The following STRN4 variants were observed in gnomAD, a reference collection of about 807,000 sequenced individuals.
The protein encoded by STRN4 is striatin-4.
Under a neutral mutation model 77.9 loss-of-function variants are expected in STRN4, and 27 were observed. The observed-to-expected ratio is 0.35, with a 90% confidence interval of 0.26 to 0.48. STRN4 has a LOEUF of 0.48. Among genes scored for constraint, STRN4 ranks in the 20% least tolerant of loss-of-function variants. STRN4 has a pLI of 0.99. For missense variants in STRN4, 798 were observed against 1,049.7 expected, an observed-to-expected ratio of 0.76 and a Z score of 3.31; for synonymous variants, 466 against 443.1, an observed-to-expected ratio of 1.05 and a Z score of -0.65.
At chr19:46,727,754 A>G in intron 8 of STRN4, 140 bp downstream of exon 8, 2 of 827,880 alleles carry the variant, frequency 2.4e-6, no homozygotes, top group Non-Finnish European at 3.7e-6. Flanking sequence ...ACAGACAGAC[A>G]GACGAACTTT....
At chr19:46,721,594 G>A (rs1380488542) in intron 16 of STRN4, 2 of 223,860 alleles carry the variant, frequency 8.9e-6, no homozygotes, top group South Asian at 5.7e-5. Context: ...GCACAGCCAC[G>A]TTGCTGGCCT....
At position 46,720,692 on chromosome 19, in the gene STRN4, G is replaced by A. The variant is rs313841; in HGVS notation, c.2172C>T (p.His724=). 0.12 allele frequency: 191,279 copies of A among 1,610,556 alleles called. 12,007 individuals carry two copies. The highest frequency in any genetic ancestry group is 0.13 in the Non-Finnish European group (151,101 of 1,178,052). The change falls in exon 17 of 18, where the codon CAC becomes CAT. Residue 724 remains histidine, a synonymous_variant. Coordinates refer to ENST00000263280, the MANE Select transcript of STRN4 (RefSeq NM_013403.3). ...AGGCAACAGCGTGGATGGCCTCCTCGTGCTTCTTGCGGTGGGCCGTGATCT... is the reference window on the plus strand; with the variant it reads ...AGGCAACAGCGTGGATGGCCTCCTCATGCTTCTTGCGGTGGGCCGTGATCT... ...VQEITAHRKK[H]EEAIHAVACH...
chr19:46,726,428 T>C (rs1163926153), intron 9 of STRN4, among the ~76,000 whole-genome samples: 3 of 151,108 alleles, frequency 2.0e-5, no homozygotes, highest in Non-Finnish European at 4.4e-5. Context: ...AACGATCATT[T>C]GACCCCAGGA....
In STRN4 at chr19:46,722,964, G is replaced by A. The variant is rs767635846; in HGVS notation, c.1766-14C>T. 2 of 1,613,444 alleles carry A rather than the reference G, an allele frequency of 1.2e-6. No individual in the cohort carries two copies. Among genetic ancestry groups the A allele is most frequent in the Admixed American group, 3.3e-5 (2 of 60,030 alleles). On this transcript the variant is annotated splice_polypyrimidine_tract_variant and intron_variant, in intron 13 of 17. Coordinates refer to ENST00000263280, the MANE Select transcript of STRN4 (RefSeq NM_013403.3). ...GGACCCCGTGCTCTGAGGGCACAGG[G>A]AAGAGAAGGCTGCTGAATGGACCCT...
intron 16 of STRN4, 58 bp from the exon 17 acceptor site, chr19:46,720,829 C>A: frequency 2.0e-6 from 3 of 1,479,970 alleles, no homozygotes; most frequent in Non-Finnish European, 2.7e-6. Context: ...CAGACGCAGC[C>A]CTGGAACCCC....
In STRN4 at chr19:46,746,240, C is replaced by T. The variant is rs747010209; in HGVS notation, c.191G>A (p.Ser64Asn). The change falls in exon 1 of 18, where the codon AGC becomes AAC. Residue 64 changes from serine to asparagine, a missense_variant. This residue lies in a region of STRN4 where 511 missense variants were observed against 575.9 expected (regional missense o/e 0.89). Coordinates refer to ENST00000263280, the MANE Select transcript of STRN4 (RefSeq NM_013403.3). ...PGPTAGPEPL[S>N]LPGILHFIQH... ...GATAAAGTGCAGGATCCCCGGCAGG[C>T]TCAGGGGCTCCGGGCCCGCCGTGGG... 1.3e-6 allele frequency: 2 copies of T among 1,511,646 alleles called. No homozygotes were observed. The highest frequency in any genetic ancestry group is 2.8e-5 in the East Asian group (1 of 35,474). 93.6% of individuals were successfully genotyped at this position (1,511,646 alleles called of 1,614,324 possible). A position where few individuals can be genotyped will look rare whatever the true frequency, so the allele number is the denominator to read the frequency against.
At chr19:46,739,750 G>A (rs946665499) in intron 1 of STRN4, among the ~76,000 whole-genome samples, 3 of 152,218 alleles carry the variant, frequency 2.0e-5, no homozygotes, top group Non-Finnish European at 2.9e-5. Flanking sequence ...ATGATCTTAC[G>A]CAGGTCATCA....
At position 46,738,034 on chromosome 19, in the gene STRN4, C is replaced by A; in HGVS notation, c.460+130G>T. Reference sequence around the variant, plus strand: ...GCTCTGAGAGTGAGATTCCGCCCCTCCCCAGCCCCGGGGCCGATTCTGCCT... The same window carrying A: ...GCTCTGAGAGTGAGATTCCGCCCCTACCCAGCCCCGGGGCCGATTCTGCCT... On this transcript the variant is annotated intron_variant, in intron 3 of 17. Transcript: ENST00000263280. The surrounding 1 kb of genome is among the most constrained non-coding windows in gnomAD (Gnocchi z 4.5). 1 of 947,222 alleles carries A rather than the reference C, an allele frequency of 1.1e-6. No individual in the cohort carries two copies. 58.7% of individuals were successfully genotyped at this position (947,222 alleles called of 1,614,324 possible).
Position 46,738,483 on chromosome 19 carries a change from T to A in STRN4, c.387-246A>T, listed in dbSNP as rs1290809062. ...CAGCCCTTGAAACCCCAGTTCCTTA[T>A]CTGAAACAGGGCTAACAATACCCGT... On this transcript the variant is annotated intron_variant, in intron 2 of 17. Coordinates refer to ENST00000263280, the MANE Select transcript of STRN4 (RefSeq NM_013403.3). The surrounding 1 kb of genome is among the most constrained non-coding windows in gnomAD (Gnocchi z 4.5). Among the ~76,000 whole-genome samples, 6 of 152,130 alleles carry A rather than the reference T, an allele frequency of 3.9e-5. No homozygotes were observed. The highest frequency in any genetic ancestry group is 9.7e-5 in the African/African-American group (4 of 41,418).
chr19:46,740,975 TAAA>T (rs948754100), intron 1 of STRN4, among the ~76,000 whole-genome samples: 2 of 152,156 alleles, frequency 1.3e-5, no homozygotes, highest in South Asian at 4.1e-4. Flanking sequence ...TAAGGAACTC[TAAA>T]AAAGGCCAGG....
chr19:46,725,160 G>A (rs2054078876), intron 11 of STRN4, among the ~76,000 whole-genome samples, 172 bp downstream of exon 11: 1 of 150,486 alleles, frequency 6.6e-6, no homozygotes, highest in Admixed American at 6.6e-5. Context: ...GCATGTGAAA[G>A]TCAGCATGGA....
intron 6 of STRN4, among the ~76,000 whole-genome samples, chr19:46,729,467 G>A (rs115873661): frequency 4.0e-4 from 61 of 152,294 alleles, no homozygotes; most frequent in African/African-American, 1.4e-3. Context: ...GCACCAGTGA[G>A]GGGCCAGCCT....
Position 46,728,751 on chromosome 19 carries a change from T to G in STRN4, c.906A>C (p.Glu302Asp), listed in dbSNP as rs1243913069. Residue 302 changes from glutamate to aspartate, a missense_variant, in exon 7 of 18, where the codon GAA (glutamate) becomes GAC (aspartate). Transcript: ENST00000263280. ...CGTCTTCCTCATCCTCGTCTTCCAT[T>G]TCGGGCACCAGAGCCTTGGATGGGA... The part of the protein sequence containing the change: ...VKLPSKALVP[E>D]MEDEDEEDDS... 1 of 1,614,028 alleles carries G rather than the reference T, an allele frequency of 6.2e-7. No homozygotes were observed. Among genetic ancestry groups the G allele is most frequent in the Non-Finnish European group, 8.5e-7 (1 of 1,179,996 alleles).
chr19:46,724,700 CCT>C, intron 12 of STRN4, 105 bp downstream of exon 12: 1 of 1,537,540 alleles, frequency 6.5e-7, no homozygotes, highest in East Asian at 2.3e-5. Context: ...CACACGCACT[CCT>C]GAGGCCTGCA....
intron 16 of STRN4, chr19:46,721,767 G>C (rs1342884276): frequency 1.3e-5 from 7 of 546,228 alleles, no homozygotes; most frequent in African/African-American, 3.8e-5. Flanking sequence ...CAACCGCACA[G>C]GCTGCTTAGA....
intron 1 of STRN4, 24 bp downstream of exon 1, chr19:46,746,125 C>A (rs776859717): frequency 7.0e-7 from 1 of 1,426,314 alleles, no homozygotes; most frequent in South Asian, 1.3e-5. Context: ...GGTTGGGGGT[C>A]GGGGGTCCCG....
rs767676016 is a variant in STRN4 at position 46,738,176 on chromosome 19, C to T, written c.448G>A (p.Val150Met). Residue 150 changes from valine (V) to methionine (M), a missense_variant, in exon 3 of 18, where the codon GTG (valine) becomes ATG (methionine). Val to Met is a conservative substitution (Grantham distance 21, BLOSUM62 1). Around this residue, in one of 2 missense-constraint regions of STRN4, gnomAD observed 511 missense variants for 575.9 expected, o/e 0.89. Coordinates refer to ENST00000263280, the MANE Select transcript of STRN4 (RefSeq NM_013403.3). The surrounding 1 kb of genome is among the most constrained non-coding windows in gnomAD (Gnocchi z 4.5). ...DLNQGEKKAD[V>M]SEQVSNGPVE... The stretch of plus-strand genomic sequence containing the variant: ...AGAGGGTGGGTACCTTGTTCTGACA[C>T]ATCTGCTTTCTTCTCCCCCTGGTTC... 1.2e-6 allele frequency: 2 copies of T among 1,614,224 alleles called. No homozygotes were observed.
At chr19:46,732,968 C>T in intron 5 of STRN4, 71 bp downstream of exon 5, 2 of 1,531,472 alleles carry the variant, frequency 1.3e-6, no homozygotes, top group Admixed American at 1.9e-5. Context: ...CATCAGCTGA[C>T]ACTCTGACCC....
Position 46,723,331 on chromosome 19 carries a change from T to A in STRN4, c.1595-47A>T. 6.6e-7 allele frequency: 1 copy of A among 1,507,896 alleles called. No individual in the cohort carries two copies. 93.4% of individuals were successfully genotyped at this position (1,507,896 alleles called of 1,614,324 possible). ...AATGGGCTGTGTCAGGGCTGCCAGC[T>A]CCTCCCTGGACAGCCCAGAGCCCCA... is the stretch of plus-strand genomic sequence containing the variant. On this transcript the variant is annotated intron_variant, in intron 12 of 17. Transcript: ENST00000263280. This position sits in a 1 kb window ranked among gnomAD's most constrained non-coding sequence, Gnocchi z 5.5.
Sources: allele counts gnomAD v4.1 joint callset (sites outside exome capture counted in the v4.1 genomes callset), GRCh38; gene constraint gnomAD v4.1.1; regional missense constraint gnomAD v4.1.1; non-coding constraint Gnocchi (gnomAD v3.1); transcripts MANE v1.5; gene names NCBI Gene and HGNC (gene_info 2026-07-23, HGNC 2026-07-21).